The following RFC3 variants were observed in gnomAD, a reference collection of about 807,000 sequenced individuals.
RFC3 encodes the protein A1 38 kDa subunit.
RFC3 carries 41 observed loss-of-function variants against 45.1 expected under a neutral mutation model. That is an observed-to-expected ratio of 0.91 (90% CI 0.71 to 1.18). The LOEUF is 1.18. RFC3 is among the 50% of genes most tolerant of loss of function. The pLI is 0.00. For synonymous variants in RFC3, 149 were observed against 144.0 expected (o/e 1.03, Z -0.25); for missense variants, 423 against 428.1 (o/e 0.99, Z 0.10).
intron 8 of RFC3, among the ~76,000 whole-genome samples, chr13:33,851,972 GACATTGATATTGTGAA>G (rs2082279514): frequency 6.6e-6 from 1 of 152,090 alleles, no homozygotes; most frequent in Non-Finnish European, 1.5e-5. Context: ...AAAATGAATT[GACATTGATATTGTGAA>G]ACATTGATAT....
intron 7 of RFC3, among the ~76,000 whole-genome samples, chr13:33,834,110 T>G (rs950848049): frequency 6.6e-6 from 1 of 151,826 alleles, no homozygotes; most frequent in Non-Finnish European, 1.5e-5. Flanking sequence ...TTAAATTATT[T>G]GTTTCAATTC....
intron 8 of RFC3, among the ~76,000 whole-genome samples, chr13:33,964,995 AG>A (rs1345397595): frequency 3.4e-5 from 5 of 148,376 alleles, no homozygotes; most frequent in Non-Finnish European, 7.5e-5. Flanking sequence ...AAGTTGGAAA[AG>A]TTGGAAGAGA....
chr13:33,959,524 A>G (rs1198044418), intron 8 of RFC3, among the ~76,000 whole-genome samples: 1 of 152,116 alleles, frequency 6.6e-6, no homozygotes, highest in Admixed American at 6.5e-5. Flanking sequence ...CTATGAAATC[A>G]TTCTCAATCT....
Position 33,954,446 on chromosome 13 carries a change from A to G in RFC3, c.880-11641A>G, listed in dbSNP as rs2083008877. Among the ~76,000 whole-genome samples, 3 of 152,304 alleles carry G rather than the reference A, an allele frequency of 2.0e-5. No homozygotes were observed. The South Asian group carries it at 6.2e-4, about 32-fold the overall frequency. ...GTGCTTGGACTATGATAATCCTACT[A>G]TGATTTGAGGTTAATCAGGCCATTA... On this transcript the variant is annotated intron_variant, in intron 8 of 8. Transcript: ENST00000434425.
At chr13:33,827,034 A>G (rs1368545508) in intron 4 of RFC3, among the ~76,000 whole-genome samples, 1 of 152,232 alleles carries the variant, frequency 6.6e-6, no homozygotes, top group East Asian at 1.9e-4. Flanking sequence ...AATGTGTGTT[A>G]AATATTGTCT....
intron 8 of RFC3, among the ~76,000 whole-genome samples, chr13:33,928,521 G>C (rs1393174940): frequency 6.6e-6 from 1 of 152,098 alleles, no homozygotes; most frequent in South Asian, 2.1e-4. Context: ...AATTGGGCAT[G>C]TTGAGGTGAG....
chr13:33,957,467 T>C (rs999832211), intron 8 of RFC3, among the ~76,000 whole-genome samples: 58 of 152,262 alleles, frequency 3.8e-4, no homozygotes, highest in African/African-American at 1.3e-3. Context: ...TGCAGAGCAG[T>C]GTGGTTGGTG....
intron 8 of RFC3, chr13:33,849,845 C>G (rs1240868324): frequency 1.3e-5 from 2 of 152,012 alleles, no homozygotes; most frequent in African/African-American, 4.8e-5. Context: ...CCACCACACT[C>G]CAGCCTGGAC....
At chr13:33,870,114 T>C (rs991255841) in intron 8 of RFC3, among the ~76,000 whole-genome samples, 6 of 152,254 alleles carry the variant, frequency 3.9e-5, no homozygotes, top group African/African-American at 1.4e-4. Context: ...GGATTCTGTT[T>C]TGATTTTGGT....
chr13:33,924,057 T>A (rs7318139), intron 8 of RFC3, among the ~76,000 whole-genome samples: 2,755 of 152,148 alleles, frequency 0.018, 84 homozygotes, highest in African/African-American at 0.055. Context: ...CCTGACAAGG[T>A]TTTGAAAATC....
rs543770284 is a variant in RFC3, at chr13:33,922,044, A to C, written c.880-44043A>C. The stretch of plus-strand genomic sequence containing the variant: ...AACACCTGCCCAGAGGGCTGCTGGA[A>C]GATGGAGTGAAAATGACACTTATTA... On this transcript the variant is annotated intron_variant, in intron 8 of 8. Coordinates refer to the RFC3 transcript ENST00000434425. Among the ~76,000 whole-genome samples, 8 of 152,252 alleles carry C rather than the reference A, an allele frequency of 5.3e-5. No individual in the cohort carries two copies. In the East Asian group the frequency reaches 1.6e-3, roughly 30 times the overall value.
At chr13:33,932,960 A>G in intron 8 of RFC3, among the ~76,000 whole-genome samples, 1 of 152,148 alleles carries the variant, frequency 6.6e-6, no homozygotes, top group East Asian at 1.9e-4. Context: ...GCCAACTGGC[A>G]CATGCTGATA....
rs1052418018 is a variant in RFC3 at position 33,923,992 on chromosome 13, T to G, written c.880-42095T>G. On this transcript the variant is annotated intron_variant, in intron 8 of 8. Transcript: ENST00000434425. ...GCTGATTTCCCAAGATCCAAAAGCTTTCTTTGTCAGGGCTGGCACCAGGGC... is the reference window on the plus strand; with the variant it reads ...GCTGATTTCCCAAGATCCAAAAGCTGTCTTTGTCAGGGCTGGCACCAGGGC... Among the ~76,000 whole-genome samples, 5 of 152,096 alleles carry G rather than the reference T, an allele frequency of 3.3e-5. No individual in the cohort carries two copies. The East Asian group carries it at 9.7e-4, about 29-fold the overall frequency.
chr13:33,939,048 G>C (rs1400715105), intron 8 of RFC3, among the ~76,000 whole-genome samples: 2 of 152,008 alleles, frequency 1.3e-5, no homozygotes, highest in African/African-American at 4.8e-5. Context: ...TGTATGTATT[G>C]ATTCTGTAGA....
chr13:33,830,978 GA>G, intron 6 of RFC3, 123 bp downstream of exon 6: 1 of 745,036 alleles, frequency 1.3e-6, no homozygotes, highest in Non-Finnish European at 2.2e-6. Context: ...GTTTCAGGAT[GA>G]AATTGTTCCA....
intron 8 of RFC3, among the ~76,000 whole-genome samples, chr13:33,908,999 A>G (rs943298373): frequency 6.6e-6 from 1 of 152,110 alleles, no homozygotes; most frequent in African/African-American, 2.4e-5. Flanking sequence ...CATCAGCTTT[A>G]CATAGTCTAC....
At chr13:33,935,710 C>T (rs2082881787) in intron 8 of RFC3, among the ~76,000 whole-genome samples, 1 of 152,130 alleles carries the variant, frequency 6.6e-6, no homozygotes. Flanking sequence ...TGTTCCTTTG[C>T]TCATCCTGTC....
intron 5 of RFC3, 29 bp downstream of exon 5, chr13:33,830,046 T>C (rs762877068): frequency 2.8e-5 from 44 of 1,592,048 alleles, no homozygotes; most frequent in Non-Finnish European, 3.8e-5. Flanking sequence ...TTCTGAAAAA[T>C]AAATCAGTTC....
intron 7 of RFC3, among the ~76,000 whole-genome samples, chr13:33,831,906 A>G (rs3135610): frequency 0.12 from 17,801 of 152,174 alleles, 1,406 homozygotes; most frequent in African/African-American, 0.21. Context: ...CAAAAGAGTT[A>G]TTAATGGTTT....
Sources: gnomAD v4.1 joint callset for allele counts (sites outside exome capture counted in the v4.1 genomes callset) on GRCh38, gnomAD v4.1.1 for gene constraint, MANE v1.5 for transcripts, NCBI Gene and HGNC (gene_info 2026-07-23, HGNC 2026-07-21) for gene names.